PRKCI: variants seen among roughly 807,000 people sequenced by gnomAD.
The protein encoded by PRKCI is protein kinase C iota type.
PRKCI carries 43 observed loss-of-function variants against 84.0 expected under a neutral mutation model. The observed-to-expected ratio is 0.51, with a 90% confidence interval of 0.40 to 0.66. The LOEUF (loss-of-function observed/expected upper bound fraction) is 0.66, where lower values mean the gene tolerates loss of function less well. Among genes scored for constraint, PRKCI ranks in the 30% least tolerant of loss-of-function variants. The pLI is 0.00. For missense variants in PRKCI, 459 were observed against 745.6 expected, an observed-to-expected ratio of 0.62 and a Z score of 4.48; for synonymous variants, 216 against 234.4, an observed-to-expected ratio of 0.92 and a Z score of 0.72.
intron 4 of PRKCI, 27 bp from the exon 5 acceptor site, chr3:170,267,887 CT>C: frequency 1.3e-6 from 2 of 1,493,480 alleles, no homozygotes; most frequent in East Asian, 2.3e-5. Flanking sequence ...GCTCTTTTTT[CT>C]TTTTTTAACT....
chr3:170,224,528 G>T (rs1560163441), intron 1 of PRKCI, among the ~76,000 whole-genome samples: 1 of 150,504 alleles, frequency 6.6e-6, no homozygotes, highest in Admixed American at 6.6e-5. Flanking sequence ...TTTTATTTTT[G>T]TTTGTTTGTT....
At chr3:170,276,781 A>T (rs1451547191) in intron 8 of PRKCI, among the ~76,000 whole-genome samples, 1 of 152,204 alleles carries the variant, frequency 6.6e-6, no homozygotes, top group Non-Finnish European at 1.5e-5. Context: ...CCAAAAATTG[A>T]CAAGTGGGAC....
At position 170,233,469 on chromosome 3, in the gene PRKCI, GA is replaced by G. The variant is rs372405761; in HGVS notation, c.102-1755del. Reference sequence around the variant, plus strand: ...TTATGCTAGTGCTGAAGTTAAACTGGAAAAAACATCATACGTGCATAATTTG... The same window carrying G: ...TTATGCTAGTGCTGAAGTTAAACTGGAAAAACATCATACGTGCATAATTTG... On this transcript the variant is annotated intron_variant, in intron 1 of 17. Transcript: ENST00000295797. Among the ~76,000 whole-genome samples, 109 of 152,124 alleles carry G rather than the reference GA, an allele frequency of 7.2e-4. 1 individual carries two copies. In the East Asian group the frequency reaches 0.019, roughly 26 times the overall value.
chr3:170,222,742 C>T lies in PRKCI; in HGVS notation c.73C>T (p.Gln25Ter). 1 of 1,611,046 alleles carries T rather than the reference C, an allele frequency of 6.2e-7. No individual in the cohort carries two copies. The highest frequency in any genetic ancestry group is 8.5e-7 in the Non-Finnish European group (1 of 1,179,292). ...AGGGSGDHSH[Q>*]VRVKAYYRGD... ...CGGCGGCAGCGGGGACCATTCCCAC[C>T]AGGTCCGGGTGAAAGCCTACTACCG... is the stretch of plus-strand genomic sequence containing the variant. Residue 25 changes from glutamine (Q) to a stop codon, truncating the protein, a stop_gained, in exon 1 of 18, where the codon CAG becomes TAG. Coordinates refer to ENST00000295797, the MANE Select transcript of PRKCI (RefSeq NM_002740.6). LOFTEE classifies it high-confidence loss of function.
intron 2 of PRKCI, among the ~76,000 whole-genome samples, chr3:170,256,742 A>G (rs1282814878): frequency 6.6e-6 from 1 of 152,038 alleles, no homozygotes; most frequent in Non-Finnish European, 1.5e-5. Context: ...CTTGTTCTTT[A>G]AGATGCATCA....
Position 170,296,131 on chromosome 3 carries a change from C to T in PRKCI, c.1497+141C>T, listed in dbSNP as rs190453500. On this transcript the variant is annotated intron_variant, in intron 15 of 17. Coordinates refer to ENST00000295797, the MANE Select transcript of PRKCI (RefSeq NM_002740.6). Reference sequence around the variant, plus strand: ...AGTTTGACCCAGAATTTGTCTCTTACCCAAAGAGTAATTGACAGCATTAGA... The same window carrying T: ...AGTTTGACCCAGAATTTGTCTCTTATCCAAAGAGTAATTGACAGCATTAGA... 3.1e-4 allele frequency: 136 copies of T among 442,930 alleles called. 1 individual carries two copies. In the East Asian group the frequency reaches 4.5e-3, roughly 15 times the overall value. The allele number at this position is 442,930 out of a possible 1,614,324, so 27.4% of individuals were successfully genotyped here.
chr3:170,289,464 G>A (rs2108863645), intron 12 of PRKCI, among the ~76,000 whole-genome samples: 1 of 152,256 alleles, frequency 6.6e-6, no homozygotes, highest in African/African-American at 2.4e-5. Flanking sequence ...GCTGGAACTG[G>A]GTGAGTCAGG....
chr3:170,251,336 AAG>A (rs1577350484), intron 2 of PRKCI, among the ~76,000 whole-genome samples: 1 of 152,232 alleles, frequency 6.6e-6, no homozygotes, highest in Non-Finnish European at 1.5e-5. Flanking sequence ...AATTTTGAAA[AAG>A]AAAGTTTGGA....
intron 2 of PRKCI, among the ~76,000 whole-genome samples, chr3:170,252,501 A>T (rs1406724038): frequency 6.6e-6 from 1 of 151,168 alleles, no homozygotes; most frequent in African/African-American, 2.4e-5. Context: ...TTCCAATTAT[A>T]CTCTTTTAGT....
In PRKCI at chr3:170,304,904, T is replaced by C. The variant is rs890644120; in HGVS notation, c.*1777T>C. ...AGGCATTTAATAAATTATCTTTTTT[T>C]GGAGGGGTGGATGCTGCATTTCATT... On this transcript the variant is annotated 3_prime_UTR_variant, in exon 18 of 18. Coordinates refer to ENST00000295797, the MANE Select transcript of PRKCI (RefSeq NM_002740.6). The C allele has an allele frequency of 6.6e-6, 1 of 152,170 alleles. No homozygotes were observed. The highest frequency in any genetic ancestry group is 1.5e-5 in the Non-Finnish European group (1 of 68,020). 9.4% of individuals were successfully genotyped at this position (152,170 alleles called of 1,614,324 possible).
At chr3:170,292,395 GC>G (rs988660106) in intron 13 of PRKCI, among the ~76,000 whole-genome samples, 46 of 152,118 alleles carry the variant, frequency 3.0e-4, no homozygotes, top group African/African-American at 1.1e-3. Flanking sequence ...TGGGATATTT[GC>G]CCCAGGAATC....
intron 2 of PRKCI, among the ~76,000 whole-genome samples, chr3:170,250,304 T>TAA (rs554786646): frequency 7.0e-6 from 1 of 142,262 alleles, no homozygotes. Flanking sequence ...CCACATTCTT[T>TAA]AAAAAAAAAA....
Position 170,241,293 on chromosome 3 carries a change from C to T in PRKCI, c.223+5942C>T, listed in dbSNP as rs180880876. On this transcript the variant is annotated intron_variant, in intron 2 of 17. Coordinates refer to ENST00000295797, the MANE Select transcript of PRKCI (RefSeq NM_002740.6). ...CAATAGATCACCAGAACTTACTACT[C>T]CTGTCTAACCACAACCTTGTACCCT... Among the ~76,000 whole-genome samples, 184 of 152,276 alleles carry T rather than the reference C, an allele frequency of 1.2e-3. 1 individual carries two copies. The highest frequency in any genetic ancestry group is 2.1e-3 in the South Asian group (10 of 4,830).
chr3:170,263,898 T>C (rs1276192557), intron 4 of PRKCI, among the ~76,000 whole-genome samples: 1 of 152,240 alleles, frequency 6.6e-6, no homozygotes, highest in Non-Finnish European at 1.5e-5. Context: ...AAATGCTACT[T>C]TGCCAGATCA....
chr3:170,238,529 G>A (rs1051711057), intron 2 of PRKCI, among the ~76,000 whole-genome samples: 15 of 147,916 alleles, frequency 1.0e-4, no homozygotes, highest in African/African-American at 1.5e-4. Flanking sequence ...ATCCCTTATC[G>A]ATGGACATTT....
intron 7 of PRKCI, among the ~76,000 whole-genome samples, chr3:170,274,470 A>C (rs993370008): frequency 6.6e-6 from 1 of 152,170 alleles, no homozygotes; most frequent in Non-Finnish European, 1.5e-5. Flanking sequence ...TTATTATCAG[A>C]AGTAGAAATT....
intron 17 of PRKCI, 29 bp from the exon 18 acceptor site, chr3:170,303,011 T>C: frequency 6.7e-7 from 1 of 1,490,272 alleles, no homozygotes; most frequent in Non-Finnish European, 9.2e-7. Flanking sequence ...TTGATTATGA[T>C]GAAAATAAAT....
intron 1 of PRKCI, among the ~76,000 whole-genome samples, chr3:170,223,838 A>G (rs1477412543): frequency 2.6e-5 from 4 of 152,176 alleles, no homozygotes; most frequent in Non-Finnish European, 5.9e-5. Flanking sequence ...GAAGATAGCA[A>G]ACTCTCAAAC....
chr3:170,226,912 C>G (rs1732640355), intron 1 of PRKCI, among the ~76,000 whole-genome samples: 1 of 151,988 alleles, frequency 6.6e-6, no homozygotes, highest in Non-Finnish European at 1.5e-5. Flanking sequence ...GCCAAAAAAC[C>G]CAAACCAAAC....
Sources: gnomAD v4.1 joint callset for allele counts (sites outside exome capture counted in the v4.1 genomes callset) on GRCh38, gnomAD v4.1.1 for gene constraint, MANE v1.5 for transcripts, NCBI Gene and HGNC (gene_info 2026-07-23, HGNC 2026-07-21) for gene names.